The following CHST9 variants were observed in gnomAD, a reference collection of about 807,000 sequenced individuals.
CHST9 encodes carbohydrate sulfotransferase 9, also known as GalNAc-4-sulfotransferase 2.
A neutral mutation model predicts 44.4 loss-of-function variants in CHST9; 41 were observed. The ratio of observed to expected loss-of-function variants is 0.92; its 90% confidence interval spans 0.72 to 1.20. CHST9 has a LOEUF of 1.20. Ranked by LOEUF, CHST9 falls within the 50% of genes most tolerant of loss-of-function variation. The pLI, the probability that CHST9 is intolerant of heterozygous loss-of-function variation, is 0.00. For synonymous variants in CHST9, 171 were observed against 178.4 expected (o/e 0.96, Z 0.33); for missense variants, 504 against 516.5 (o/e 0.98, Z 0.23).
In CHST9 at chr18:27,035,481, C is replaced by T. The variant is rs544467383; in HGVS notation, c.161-11324G>A. ...ATAAATGGATAAAGAAAATGTGAGACGTGTGTTTGTGTGTGTATTCCATTG... is the reference window on the plus strand; with the variant it reads ...ATAAATGGATAAAGAAAATGTGAGATGTGTGTTTGTGTGTGTATTCCATTG... On this transcript the variant is annotated intron_variant, in intron 3 of 5. Coordinates refer to ENST00000618847, the MANE Select transcript of CHST9 (RefSeq NM_031422.6). 6.1e-4 allele frequency among the ~76,000 whole-genome samples: 92 copies of T among 151,828 alleles called. 1 individual carries two copies. The highest frequency in any genetic ancestry group is 1.1e-3 in the Non-Finnish European group (72 of 67,984).
At chr18:27,175,350 C>A (rs556266179) in intron 1 of CHST9, among the ~76,000 whole-genome samples, 1 of 152,120 alleles carries the variant, frequency 6.6e-6, no homozygotes, top group Non-Finnish European at 1.5e-5. Flanking sequence ...ATAAAACCCC[C>A]ATAAAGTGAA....
At chr18:27,168,320 C>T (rs906849947) in intron 1 of CHST9, among the ~76,000 whole-genome samples, 13 of 152,144 alleles carry the variant, frequency 8.5e-5, no homozygotes, top group African/African-American at 2.2e-4. Context: ...GTGATCCGCC[C>T]GCCTCAGCCT....
Position 27,128,931 on chromosome 18 carries a change from T to C in CHST9, c.121+13758A>G, listed in dbSNP as rs537831902. Among the ~76,000 whole-genome samples the C allele has an allele frequency of 1.4e-4, 21 of 152,338 alleles. No homozygotes were observed. In the South Asian group the frequency reaches 1.5e-3, roughly 11 times the overall value. On this transcript the variant is annotated intron_variant, in intron 2 of 5. Coordinates refer to ENST00000618847, the MANE Select transcript of CHST9 (RefSeq NM_031422.6). ...TTTTGGAATCACTCCTCCATTTCTT[T>C]CCATTGAATTCCTTTTTGGGGTCTC...
At chr18:26,955,224 G>GTTTTTTTTT in intron 4 of CHST9, among the ~76,000 whole-genome samples, 1 of 138,446 alleles carries the variant, frequency 7.2e-6, no homozygotes, top group Non-Finnish European at 1.6e-5. Flanking sequence ...CCAGAATTCT[G>GTTTTTTTTT]TTTTTTTTTT....
chr18:27,115,477 T>G (rs943539450), intron 2 of CHST9, among the ~76,000 whole-genome samples: 1 of 152,182 alleles, frequency 6.6e-6, no homozygotes, highest in African/African-American at 2.4e-5. Context: ...ATTCTCCAAG[T>G]AATATATAAA....
chr18:26,981,719 C>T (rs1405922243), intron 4 of CHST9, among the ~76,000 whole-genome samples: 2 of 152,190 alleles, frequency 1.3e-5, no homozygotes, highest in East Asian at 1.9e-4. Flanking sequence ...TAAACTTGCA[C>T]ATCCAGTAGA....
chr18:27,141,064 C>A (rs2058560157), intron 2 of CHST9, among the ~76,000 whole-genome samples: 1 of 151,998 alleles, frequency 6.6e-6, no homozygotes, highest in Non-Finnish European at 1.5e-5. Context: ...CTCAGGAGTT[C>A]AAGACGAGCC....
intron 1 of CHST9, among the ~76,000 whole-genome samples, chr18:27,170,647 G>T (rs577387574): frequency 6.6e-6 from 1 of 152,028 alleles, no homozygotes; most frequent in South Asian, 2.1e-4. Flanking sequence ...GTGGCAACTA[G>T]AACTCTGAAA....
intron 3 of CHST9, among the ~76,000 whole-genome samples, chr18:27,030,027 T>A (rs2057324355): frequency 6.6e-6 from 1 of 152,222 alleles, no homozygotes; most frequent in South Asian, 2.1e-4. Flanking sequence ...AATATTATGT[T>A]TTCCCATTAG....
intron 2 of CHST9, among the ~76,000 whole-genome samples, chr18:27,089,167 T>C (rs1457269901): frequency 6.6e-6 from 1 of 152,176 alleles, no homozygotes; most frequent in Non-Finnish European, 1.5e-5. Context: ...ATACTTTAAG[T>C]TCTAGCGTAC....
intron 2 of CHST9, among the ~76,000 whole-genome samples, chr18:27,127,966 C>T (rs865906727): frequency 6.6e-6 from 1 of 152,034 alleles, no homozygotes; most frequent in Non-Finnish European, 1.5e-5. Context: ...GGGGAGGAGA[C>T]GTGTTTGGAG....
chr18:27,123,567 G>A (rs1192463655), intron 2 of CHST9, among the ~76,000 whole-genome samples: 1 of 152,302 alleles, frequency 6.6e-6, no homozygotes, highest in East Asian at 1.9e-4. Flanking sequence ...AGAGAAGTCT[G>A]GGGAGGGCTA....
chr18:27,182,774 CAAATAT>C (rs377542539), intron 1 of CHST9, among the ~76,000 whole-genome samples: 299 of 152,254 alleles, frequency 2.0e-3, no homozygotes, highest in African/African-American at 3.3e-3. Context: ...TTCCCAAATA[CAAATAT>C]AAAGTATATA....
chr18:27,016,949 C>A (rs1175755157), intron 4 of CHST9, among the ~76,000 whole-genome samples: 1 of 152,128 alleles, frequency 6.6e-6, no homozygotes, highest in African/African-American at 2.4e-5. Context: ...TATGTTCTGC[C>A]TCCCTGGAAC....
At chr18:27,156,760 A>C (rs1035011156) in intron 1 of CHST9, among the ~76,000 whole-genome samples, 1 of 152,168 alleles carries the variant, frequency 6.6e-6, no homozygotes. Context: ...AATGTAAAAC[A>C]GAATGGATCA....
At chr18:27,029,515 A>T (rs1034499306) in intron 3 of CHST9, among the ~76,000 whole-genome samples, 4 of 152,160 alleles carry the variant, frequency 2.6e-5, no homozygotes, top group African/African-American at 7.2e-5. Context: ...CTTCAAATGA[A>T]GTACAGTTGT....
In CHST9 at chr18:26,913,335, C is replaced by T. The variant is rs542824645; in HGVS notation, c.*2924G>A. 6.6e-6 allele frequency: 1 copy of T among 152,298 alleles called. No individual in the cohort carries two copies. Among genetic ancestry groups the T allele is most frequent in the East Asian group, 1.9e-4 (1 of 5,186 alleles). 9.4% of individuals were successfully genotyped at this position (152,298 alleles called of 1,614,324 possible). ...TATAGACATCTAGCAAGTGGCATCACATTTCCATTGAATTAATGGATATTT... is the reference window on the plus strand; with the variant it reads ...TATAGACATCTAGCAAGTGGCATCATATTTCCATTGAATTAATGGATATTT... On this transcript the variant is annotated 3_prime_UTR_variant, in exon 6 of 6. Coordinates refer to ENST00000618847, the MANE Select transcript of CHST9 (RefSeq NM_031422.6).
intron 5 of CHST9, among the ~76,000 whole-genome samples, chr18:26,931,045 G>A (rs966681157): frequency 1.3e-5 from 2 of 152,156 alleles, no homozygotes; most frequent in South Asian, 2.1e-4. Context: ...CACAATAGCT[G>A]CAGGGACCTG....
chr18:27,093,630 G>A (rs1026476900), intron 2 of CHST9, among the ~76,000 whole-genome samples: 2 of 152,212 alleles, frequency 1.3e-5, no homozygotes, highest in Admixed American at 6.5e-5. Context: ...AGAGTCTCCC[G>A]ATTTTCCAGG....
Sources: gnomAD v4.1 joint callset for allele counts (sites outside exome capture counted in the v4.1 genomes callset) on GRCh38, gnomAD v4.1.1 for gene constraint, MANE v1.5 for transcripts, NCBI Gene and HGNC (gene_info 2026-07-23, HGNC 2026-07-21) for gene names.